Variants in ABLIM2 observed in about 807,000 individuals in gnomAD.
ABLIM2 encodes the protein actin binding LIM protein family member 2.
ABLIM2 carries 53 observed loss-of-function variants against 97.7 expected under a neutral mutation model. The observed-to-expected ratio is 0.54, with a 90% CI of 0.44 to 0.68. The LOEUF (loss-of-function observed/expected upper bound fraction) is 0.68, where lower values mean the gene tolerates loss of function less well. Among genes scored for constraint, ABLIM2 ranks in the 30% least tolerant of loss-of-function variants. The probability of loss-of-function intolerance (pLI) is 0.00; values close to 1 mark genes in which losing one functional copy is unlikely to be tolerated. For missense variants in ABLIM2, 835 were observed against 867.2 expected, an observed-to-expected ratio of 0.96 and a Z score of 0.47; for synonymous variants, 361 against 345.8, an observed-to-expected ratio of 1.04 and a Z score of -0.49.
At chr4:7,967,414 C>A (rs141643003) in intron 20 of ABLIM2, among the ~76,000 whole-genome samples, 1 of 152,320 alleles carries the variant, frequency 6.6e-6, no homozygotes, top group East Asian at 1.9e-4. Context: ...CAGAGCAGGA[C>A]CCCCACCTGC....
At position 7,970,143 on chromosome 4, in the gene ABLIM2, G is replaced by A. The variant is rs934899727; in HGVS notation, c.1825-3040C>T. ...TGATACCAGACCTTGTTCCAGACAT[G>A]GAAAGTCAGAGACACAAGGCCCCTG... On this transcript the variant is annotated intron_variant, in intron 20 of 20. Coordinates refer to ENST00000447017, the MANE Select transcript of ABLIM2 (RefSeq NM_001130083.2). The surrounding 1 kb of genome is among the most constrained non-coding windows in gnomAD (Gnocchi z 5.3). Among the ~76,000 whole-genome samples the A allele has an allele frequency of 2.0e-5, 3 of 152,200 alleles. No individual in the cohort carries two copies. Among genetic ancestry groups the A allele is most frequent in the African/African-American group, 7.2e-5 (3 of 41,448 alleles).
chr4:8,133,396 C>T (rs1227677627), intron 1 of ABLIM2, among the ~76,000 whole-genome samples: 1 of 152,216 alleles, frequency 6.6e-6, no homozygotes. Context: ...GTTTTCTCCC[C>T]GTCCCCTGCG....
chr4:7,968,775 C>T (rs1176440432), intron 20 of ABLIM2, among the ~76,000 whole-genome samples: 10 of 152,092 alleles, frequency 6.6e-5, no homozygotes, highest in Admixed American at 4.6e-4. Flanking sequence ...TGGAATGTTC[C>T]GGAGCTGGAG....
Position 8,032,281 on chromosome 4 carries a change from G to A in ABLIM2, c.1048-2505C>T, listed in dbSNP as rs1484765584. 6.6e-6 allele frequency among the ~76,000 whole-genome samples: 1 copy of A among 152,114 alleles called. No individual in the cohort carries two copies. The highest frequency in any genetic ancestry group is 1.5e-5 in the Non-Finnish European group (1 of 68,024). On this transcript the variant is annotated intron_variant, in intron 10 of 20. Coordinates refer to ENST00000447017, the MANE Select transcript of ABLIM2 (RefSeq NM_001130083.2). This position sits in a 1 kb window ranked among gnomAD's most constrained non-coding sequence, Gnocchi z 4.3. The stretch of plus-strand genomic sequence containing the variant: ...CGTCCAGTGTTTCTCCACGAGGACT[G>A]GGTGCTTCCACACAACCCACGTGGA...
Position 8,023,201 on chromosome 4 carries a change from G to A in ABLIM2, c.1268-2898C>T, listed in dbSNP as rs1027863541. 1 of 152,350 alleles carries A rather than the reference G, an allele frequency of 6.6e-6. No homozygotes were observed. The highest frequency in any genetic ancestry group is 1.5e-5 in the Non-Finnish European group (1 of 68,150). The allele number at this position is 152,350 out of a possible 1,614,324, so 9.4% of individuals were successfully genotyped here. On this transcript the variant is annotated intron_variant, in intron 12 of 20. Transcript: ENST00000447017. The surrounding 1 kb of genome is among the most constrained non-coding windows in gnomAD (Gnocchi z 5.7). ...CCTGCCGTCCCCTCTCCCATCACTA[G>A]GGTGCCCACAGATTGGTGCCACCTG... is the stretch of plus-strand genomic sequence containing the variant.
chr4:7,986,549 G>A lies in ABLIM2; in HGVS notation c.1681-1656C>T, dbSNP rs934747395. Reference sequence around the variant, plus strand: ...AAAACTATTGCATTAAACTTATCCTGACTGCATTTTCTTCTTTAGTGCCTT... The same window carrying A: ...AAAACTATTGCATTAAACTTATCCTAACTGCATTTTCTTCTTTAGTGCCTT... On this transcript the variant is annotated intron_variant, in intron 17 of 20. Transcript: ENST00000447017. The surrounding 1 kb of genome is among the most constrained non-coding windows in gnomAD (Gnocchi z 4.3). Among the ~76,000 whole-genome samples, 7 of 152,156 alleles carry A rather than the reference G, an allele frequency of 4.6e-5. No individual in the cohort carries two copies. The highest frequency in any genetic ancestry group is 9.7e-5 in the African/African-American group (4 of 41,438).
chr4:8,071,194 C>G lies in ABLIM2; in HGVS notation c.675+6434G>C, dbSNP rs1577140563. Among the ~76,000 whole-genome samples, 2 of 152,270 alleles carry G rather than the reference C, an allele frequency of 1.3e-5. No homozygotes were observed. Among genetic ancestry groups the G allele is most frequent in the African/African-American group, 4.8e-5 (2 of 41,552 alleles). ...CGCCATCCGTCCCCAGCAGCTGGCT[C>G]TGCCACAGTTGCTGCCAGGCGCCAC... On this transcript the variant is annotated intron_variant, in intron 6 of 20. Coordinates refer to ENST00000447017, the MANE Select transcript of ABLIM2 (RefSeq NM_001130083.2). The surrounding 1 kb of genome is among the most constrained non-coding windows in gnomAD (Gnocchi z 6.2).
In ABLIM2 at chr4:8,036,465, C is replaced by T. The variant is rs371626603; in HGVS notation, c.901-170G>A. On this transcript the variant is annotated intron_variant, in intron 9 of 20. Coordinates refer to ENST00000447017, the MANE Select transcript of ABLIM2 (RefSeq NM_001130083.2). ...TCCCACAGGACAGTGCCCCCAAAGCCAGAGGGCAGTGGCTGCTCCAGCAGC... is the reference window on the plus strand; with the variant it reads ...TCCCACAGGACAGTGCCCCCAAAGCTAGAGGGCAGTGGCTGCTCCAGCAGC... Among the ~76,000 whole-genome samples, 729 of 152,116 alleles carry T rather than the reference C, an allele frequency of 4.8e-3. 9 individuals carry two copies. The highest frequency in any genetic ancestry group is 0.016 in the African/African-American group (682 of 41,452).
Position 7,983,271 on chromosome 4 carries a change from C to T in ABLIM2, c.1817G>A (p.Arg606Lys), listed in dbSNP as rs1460500937. The change falls in exon 20 of 21, where the codon AGA becomes AAA. Residue 606 changes from arginine (R) to lysine (K), a missense_variant. By Grantham distance (26) the Arg-to-Lys change is conservative. Transcript: ENST00000447017. Reference sequence around the variant, plus strand: ...CGGCAGTCCCCCGCTTACCTCCAGTCTCGTCCGGTCCACGTCTTTGGGCAG... The same window carrying T: ...CGGCAGTCCCCCGCTTACCTCCAGTTTCGTCCGGTCCACGTCTTTGGGCAG... ...VKLPKDVDRT[R>K]LERHLSPEEF... 1.9e-6 allele frequency: 3 copies of T among 1,610,696 alleles called. No homozygotes were observed. Among genetic ancestry groups the T allele is most frequent in the Non-Finnish European group, 2.5e-6 (3 of 1,178,888 alleles).
chr4:8,041,779 C>T (rs1788770626), intron 9 of ABLIM2, among the ~76,000 whole-genome samples: 1 of 152,060 alleles, frequency 6.6e-6, no homozygotes, highest in African/African-American at 2.4e-5. Flanking sequence ...TGGCGGGTGC[C>T]TGTTGTCCCA....
rs1821491503 is a variant in ABLIM2, at chr4:8,083,857, C to T, written c.455-3055G>A. ...ATGGCATAACCCTCCTAGAACCTTC[C>T]ACTTTCCTATTTTCCCCAAAAGGCT... is the stretch of plus-strand genomic sequence containing the variant. On this transcript the variant is annotated intron_variant, in intron 4 of 20. Coordinates refer to ENST00000447017, the MANE Select transcript of ABLIM2 (RefSeq NM_001130083.2). The surrounding 1 kb of genome is among the most constrained non-coding windows in gnomAD (Gnocchi z 4.6). Among the ~76,000 whole-genome samples, 1 of 152,176 alleles carries T rather than the reference C, an allele frequency of 6.6e-6. No homozygotes were observed. Among genetic ancestry groups the T allele is most frequent in the South Asian group, 2.1e-4 (1 of 4,824 alleles).
chr4:8,083,708 A>C lies in ABLIM2; in HGVS notation c.455-2906T>G, dbSNP rs926947191. On this transcript the variant is annotated intron_variant, in intron 4 of 20. Transcript: ENST00000447017. This position sits in a 1 kb window ranked among gnomAD's most constrained non-coding sequence, Gnocchi z 4.6. ...ATGGCAGCTCAGAGTCCTGTGTGAC[A>C]CAGGCTGTGGACTAGAGCTGTCAGC... Among the ~76,000 whole-genome samples the C allele has an allele frequency of 3.3e-5, 5 of 152,182 alleles. No homozygotes were observed. Among genetic ancestry groups the C allele is most frequent in the African/African-American group, 1.2e-4 (5 of 41,456 alleles).
chr4:8,128,198 G>A lies in ABLIM2; in HGVS notation c.11-21561C>T, dbSNP rs150102724. ...GGCCGTCTTCCCTGTGTGTCTCTGC[G>A]TGTCCTTTTTAGTCTCTTATGAGGA... On this transcript the variant is annotated intron_variant, in intron 1 of 20. Coordinates refer to ENST00000447017, the MANE Select transcript of ABLIM2 (RefSeq NM_001130083.2). This position sits in a 1 kb window ranked among gnomAD's most constrained non-coding sequence, Gnocchi z 4.9. 1.5e-3 allele frequency among the ~76,000 whole-genome samples: 222 copies of A among 152,266 alleles called. 1 individual carries two copies. Among genetic ancestry groups the A allele is most frequent in the Middle Eastern group, 0.01 (3 of 294 alleles).
chr4:8,042,496 C>A (rs559834072), intron 9 of ABLIM2, among the ~76,000 whole-genome samples: 6 of 152,306 alleles, frequency 3.9e-5, no homozygotes, highest in African/African-American at 1.4e-4. Context: ...AGATCACACA[C>A]ATTTTGTCCA....
Position 7,999,710 on chromosome 4 carries a change from C to A in ABLIM2, c.1619-6783G>T, listed in dbSNP as rs1329720665. Among the ~76,000 whole-genome samples, 1 of 152,158 alleles carries A rather than the reference C, an allele frequency of 6.6e-6. No homozygotes were observed. Among genetic ancestry groups the A allele is most frequent in the Non-Finnish European group, 1.5e-5 (1 of 68,032 alleles). On this transcript the variant is annotated intron_variant, in intron 16 of 20. Coordinates refer to ENST00000447017, the MANE Select transcript of ABLIM2 (RefSeq NM_001130083.2). This position sits in a 1 kb window ranked among gnomAD's most constrained non-coding sequence, Gnocchi z 4.4. ...GAGAAGGCAGGTAGGGGGCCAGGAG[C>A]ATGGCGGCAACTGGGTAGTCCTGAT... is the stretch of plus-strand genomic sequence containing the variant.
chr4:8,026,569 A>G (rs1183296300), intron 12 of ABLIM2, among the ~76,000 whole-genome samples: 1 of 152,176 alleles, frequency 6.6e-6, no homozygotes, highest in African/African-American at 2.4e-5. Flanking sequence ...AGACATTCCC[A>G]CTCAGCAGCT....
In ABLIM2 at chr4:7,966,874, C is replaced by CCCCCCCCCGGG; in HGVS notation, c.*115_*116insCCCGGGGGGGG. 4.2e-6 allele frequency: 1 copy of CCCCCCCCCGGG among 240,078 alleles called. No homozygotes were observed. Among genetic ancestry groups the CCCCCCCCCGGG allele is most frequent in the Non-Finnish European group, 8.4e-6 (1 of 119,072 alleles). 14.9% of individuals were successfully genotyped at this position (240,078 alleles called of 1,614,324 possible). The stretch of plus-strand genomic sequence containing the variant: ...ACCTGCTGGGGGACCCCCTCCCGCC[C>CCCCCCCCCGGG]ACCCCATGGACACAGAGAAGCCAGA... On this transcript the variant is annotated 3_prime_UTR_variant, in exon 21 of 21. Transcript: ENST00000447017.
intron 1 of ABLIM2, among the ~76,000 whole-genome samples, chr4:8,142,865 G>A (rs1851202622): frequency 6.6e-6 from 1 of 152,212 alleles, no homozygotes; most frequent in Non-Finnish European, 1.5e-5. Flanking sequence ...GAGAACATCA[G>A]CCTGGCCCGG....
At chr4:7,985,509 G>T (rs1003803290) in intron 17 of ABLIM2, among the ~76,000 whole-genome samples, 1 of 152,176 alleles carries the variant, frequency 6.6e-6, no homozygotes, top group African/African-American at 2.4e-5. Flanking sequence ...GACGCACGTG[G>T]CTGTGCGTGC....
Sources: allele counts gnomAD v4.1 joint callset (sites outside exome capture counted in the v4.1 genomes callset), GRCh38; gene constraint gnomAD v4.1.1; non-coding constraint Gnocchi (gnomAD v3.1); transcripts MANE v1.5; gene names NCBI Gene and HGNC (gene_info 2026-07-23, HGNC 2026-07-21).